ABCB1: variants seen among roughly 807,000 people sequenced by gnomAD.
The protein encoded by ABCB1 is ATP-dependent translocase ABCB1.
Under a neutral mutation model 142.0 loss-of-function variants are expected in ABCB1, and 69 were observed. The ratio of observed to expected loss-of-function variants is 0.49; its 90% confidence interval spans 0.40 to 0.59. The LOEUF is 0.59. Among genes scored for constraint, ABCB1 ranks in the 20% least tolerant of loss-of-function variants. The pLI is 0.00. For missense variants in ABCB1, 1,326 were observed against 1,554.7 expected (o/e 0.85, Z 2.47); for synonymous variants, 532 against 539.2 (o/e 0.99, Z 0.18).
chr7:87,551,014 CTTTTTTCA>C (rs1426833114), intron 9 of ABCB1, among the ~76,000 whole-genome samples, 176 bp from the exon 10 acceptor site: 1 of 151,888 alleles, frequency 6.6e-6, no homozygotes, highest in Non-Finnish European at 1.5e-5. Context: ...CATTTAATTC[CTTTTTTCA>C]TTTTTTTTCC....
At chr7:87,597,217 T>G (rs1819245302) in intron 2 of ABCB1, among the ~76,000 whole-genome samples, 1 of 152,016 alleles carries the variant, frequency 6.6e-6, no homozygotes, top group African/African-American at 2.4e-5. Context: ...TAAAATGCAC[T>G]TTCACACAAA....
intron 3 of ABCB1, among the ~76,000 whole-genome samples, chr7:87,594,062 T>A (rs1056930829): frequency 1.2e-4 from 18 of 152,348 alleles, no homozygotes; most frequent in African/African-American, 4.3e-4. Flanking sequence ...ATTGTTAAAC[T>A]TTTATTATGT....
intron 1 of ABCB1, chr7:87,627,473 T>A (rs965326685): frequency 6.6e-6 from 1 of 152,218 alleles, no homozygotes; most frequent in African/African-American, 2.4e-5. Context: ...TACAGCACTG[T>A]GCTAGGTCCC....
At chr7:87,675,256 T>A (rs1448967111) in intron 1 of ABCB1, among the ~76,000 whole-genome samples, 4 of 152,172 alleles carry the variant, frequency 2.6e-5, no homozygotes, top group Admixed American at 2.6e-4. Flanking sequence ...CCTCCAAAGA[T>A]CTGTTCAGAG....
intron 1 of ABCB1, chr7:87,700,340 C>A: frequency 8.1e-7 from 1 of 1,236,302 alleles, no homozygotes. Flanking sequence ...CTTTATTTTT[C>A]AGAATTTTAT....
intron 1 of ABCB1, among the ~76,000 whole-genome samples, chr7:87,699,992 G>A (rs993151797): frequency 6.6e-6 from 1 of 151,952 alleles, no homozygotes; most frequent in Admixed American, 6.6e-5. Context: ...AAAGAATTAT[G>A]GTGGTGGGGT....
chr7:87,606,004 A>G (rs937808508), intron 1 of ABCB1, among the ~76,000 whole-genome samples: 8 of 152,090 alleles, frequency 5.3e-5, no homozygotes, highest in Non-Finnish European at 1.2e-4. Flanking sequence ...TAAAAACAAC[A>G]AAATTATGAA....
At chr7:87,623,573 C>T (rs760053887) in intron 1 of ABCB1, among the ~76,000 whole-genome samples, 1 of 152,226 alleles carries the variant, frequency 6.6e-6, no homozygotes, top group Non-Finnish European at 1.5e-5. Flanking sequence ...GGAACTTTTG[C>T]TCTATGACCA....
At chr7:87,506,642 C>T (rs907070567) in intron 26 of ABCB1, among the ~76,000 whole-genome samples, 10 of 152,106 alleles carry the variant, frequency 6.6e-5, no homozygotes, top group African/African-American at 2.4e-4. Flanking sequence ...AAATTCTTCC[C>T]GTGTTGTTTC....
chr7:87,526,883 C>G (rs1815806469), intron 21 of ABCB1, among the ~76,000 whole-genome samples: 1 of 152,148 alleles, frequency 6.6e-6, no homozygotes, highest in Non-Finnish European at 1.5e-5. Context: ...TGGACTCATC[C>G]TAAACCGGAT....
chr7:87,536,257 A>C (rs569081917), intron 20 of ABCB1, among the ~76,000 whole-genome samples: 5 of 152,366 alleles, frequency 3.3e-5, no homozygotes, highest in Middle Eastern at 6.8e-3. Context: ...ATGGTTTATA[A>C]GTTATCTATA....
chr7:87,708,305 G>T (rs975058879), intron 1 of ABCB1, among the ~76,000 whole-genome samples: 8 of 152,088 alleles, frequency 5.3e-5, no homozygotes, highest in Middle Eastern at 3.4e-3. Context: ...ATGAAGAAGA[G>T]GCCAAGTGTG....
At chr7:87,663,150 T>G (rs944603313) in intron 1 of ABCB1, among the ~76,000 whole-genome samples, 1 of 152,182 alleles carries the variant, frequency 6.6e-6, no homozygotes, top group African/African-American at 2.4e-5. Context: ...GTGAATTCTT[T>G]AGGTTATCCA....
chr7:87,629,855 G>A (rs1194309495), intron 1 of ABCB1, among the ~76,000 whole-genome samples: 1 of 151,680 alleles, frequency 6.6e-6, no homozygotes, highest in Non-Finnish European at 1.5e-5. Flanking sequence ...GAACCTGGGA[G>A]GCGGTTGCAA....
chr7:87,548,332 A>G (rs868095916), intron 14 of ABCB1, among the ~76,000 whole-genome samples: 116 of 150,588 alleles, frequency 7.7e-4, no homozygotes, highest in African/African-American at 2.6e-3. Context: ...GAGGAAGAGC[A>G]AGAGAGGGAG....
Position 87,687,437 on chromosome 7 carries a change from C to T in ABCB1, c.-331+25724G>A, listed in dbSNP as rs919034735. On this transcript the variant is annotated intron_variant, in intron 1 of 28. Transcript: ENST00000265724. ...AACCTCAAGCACTCCTGACCTCTTT[C>T]CCCTGAGTTACATTAAGTCTTAACT... 2.0e-5 allele frequency among the ~76,000 whole-genome samples: 3 copies of T among 152,148 alleles called. 1 individual carries two copies.
At chr7:87,580,126 T>C (rs1334410591) in intron 4 of ABCB1, among the ~76,000 whole-genome samples, 1 of 152,206 alleles carries the variant, frequency 6.6e-6, no homozygotes, top group Non-Finnish European at 1.5e-5. Flanking sequence ...TTCTGAGTAC[T>C]TATTATTACC....
At chr7:87,635,930 G>C (rs1378977362) in intron 1 of ABCB1, among the ~76,000 whole-genome samples, 1 of 152,124 alleles carries the variant, frequency 6.6e-6, no homozygotes, top group African/African-American at 2.4e-5. Flanking sequence ...GCTGTAGTTT[G>C]TTCATTTTCA....
intron 1 of ABCB1, among the ~76,000 whole-genome samples, chr7:87,688,789 G>A (rs1827729673): frequency 6.6e-6 from 1 of 151,838 alleles, no homozygotes; most frequent in Non-Finnish European, 1.5e-5. Flanking sequence ...TTCTGTTTGA[G>A]TCATATTATT....
Sources: gnomAD v4.1 joint callset for allele counts (sites outside exome capture counted in the v4.1 genomes callset) on GRCh38, gnomAD v4.1.1 for gene constraint, MANE v1.5 for transcripts, NCBI Gene and HGNC (gene_info 2026-07-23, HGNC 2026-07-21) for gene names.